The following P2RY10 variants were observed in gnomAD, a reference collection of about 807,000 sequenced individuals.
The protein encoded by P2RY10 is P2Y receptor family member 10.
A neutral mutation model predicts 12.1 loss-of-function variants in P2RY10; 4 were observed. The observed-to-expected ratio is 0.33, with a 90% CI of 0.16 to 0.76. The LOEUF (loss-of-function observed/expected upper bound fraction) is 0.76, where lower values mean the gene tolerates loss of function less well. Among genes scored for constraint, P2RY10 ranks in the 30% least tolerant of loss-of-function variants. The pLI is 0.61. For synonymous variants in P2RY10, 112 were observed against 94.1 expected (o/e 1.19, Z -1.10); for missense variants, 233 against 264.6 (o/e 0.88, Z 0.83).
At position 78,947,883 on chromosome X, in the gene P2RY10, TA is replaced by T; in HGVS notation, c.-157+25del. On this transcript the variant is annotated intron_variant, in intron 2 of 3. Transcript: ENST00000171757. ...TGCTTTGTAAGTAATTTCCCTTTTT[TA>T]AAAATGAGAAAATGCAAGACAAAAG... 1.6e-6 allele frequency: 1 copy of T among 636,651 alleles called. No homozygotes were observed. Among genetic ancestry groups the T allele is most frequent in the Non-Finnish European group, 1.9e-6 (1 of 531,531 alleles). The allele number at this position is 636,651 out of a possible 1,213,427, so 52.5% of individuals were successfully genotyped here. A position where few individuals can be genotyped will look rare whatever the true frequency, so the allele number is the denominator to read the frequency against.
Position 78,957,627 on chromosome X carries a change from A to T in P2RY10, c.-13-2881A>T, listed in dbSNP as rs769477602. Among the ~76,000 whole-genome samples the T allele has an allele frequency of 6.3e-5, 7 of 110,779 alleles. No individual in the cohort carries two copies. The South Asian group carries it at 2.7e-3, about 43-fold the overall frequency. On this transcript the variant is annotated intron_variant, in intron 3 of 3. Coordinates refer to ENST00000171757, the MANE Select transcript of P2RY10 (RefSeq NM_014499.4). The stretch of plus-strand genomic sequence containing the variant: ...CCTTCTGCCTCTCCTCATCACGGGG[A>T]TTTTACATCTAATGGTCACTAAGAA...
chrX:78,957,824 G>A lies in P2RY10; in HGVS notation c.-13-2684G>A, dbSNP rs1036139045. Among the ~76,000 whole-genome samples, 5 of 112,385 alleles carry A rather than the reference G, an allele frequency of 4.4e-5. No homozygotes were observed. In the East Asian group the frequency reaches 1.1e-3, roughly 25 times the overall value. ...GTGTAAACTTGACCTCTAGCTTGCT[G>A]TTCTGGCATAATTGGGCTCTGTTAT... On this transcript the variant is annotated intron_variant, in intron 3 of 3. Transcript: ENST00000171757.
chrX:78,952,818 C>T (rs751039643), intron 3 of P2RY10, among the ~76,000 whole-genome samples: 6 of 111,854 alleles, frequency 5.4e-5, no homozygotes, highest in Non-Finnish European at 1.1e-4. Context: ...AAGTTGATTT[C>T]TTCTCACCTA....
intron 2 of P2RY10, among the ~76,000 whole-genome samples, chrX:78,951,817 T>C (rs1174124036): frequency 4.5e-5 from 5 of 111,699 alleles, no homozygotes; most frequent in Non-Finnish European, 7.5e-5. Flanking sequence ...GGTTGTGACA[T>C]AGGTAAATGT....
In P2RY10 at chrX:78,952,149, G is replaced by T. The variant is rs138546929; in HGVS notation, c.-156-44G>T. ...GAGACACACTTTGTAAGTGAATCCTGTTATTTCAGAGATGGTGGCTGATTT... is the reference window on the plus strand; with the variant it reads ...GAGACACACTTTGTAAGTGAATCCTTTTATTTCAGAGATGGTGGCTGATTT... On this transcript the variant is annotated intron_variant, in intron 2 of 3. Transcript: ENST00000171757. 4.6e-3 allele frequency: 3,126 copies of T among 673,377 alleles called. 9 individuals carry two copies. The highest frequency in any genetic ancestry group is 5.3e-3 in the Non-Finnish European group (2,975 of 566,499). 55.5% of individuals were successfully genotyped at this position (673,377 alleles called of 1,213,427 possible). A position where few individuals can be genotyped will look rare whatever the true frequency, so the allele number is the denominator to read the frequency against.
At chrX:78,960,482 T>A (rs1487666947) in intron 3 of P2RY10, 26 bp from the exon 4 acceptor site, 1 of 1,143,141 alleles carries the variant, frequency 8.7e-7, no homozygotes, top group South Asian at 2.0e-5. Context: ...ACCATTTTAC[T>A]CTTTATTTTG....
Position 78,962,272 on chromosome X carries a change from A to G in P2RY10, c.*732A>G, listed in dbSNP as rs1922667942. 9.0e-6 allele frequency among the ~76,000 whole-genome samples: 1 copy of G among 110,988 alleles called. No homozygotes were observed. Among genetic ancestry groups the G allele is most frequent in the South Asian group, 3.8e-4 (1 of 2,635 alleles). ...CACTGCACCACATTTGTAGTCTTCT[A>G]TCCCTCGCCCCCTTCCCACTCTTCC... On this transcript the variant is annotated 3_prime_UTR_variant, in exon 4 of 4. Transcript: ENST00000171757.
In P2RY10 at chrX:78,947,179, C is replaced by T. The variant is rs1921879902; in HGVS notation, c.-205-636C>T. 2.8e-5 allele frequency among the ~76,000 whole-genome samples: 3 copies of T among 108,977 alleles called. No individual in the cohort carries two copies. In the South Asian group the frequency reaches 1.3e-3, roughly 46 times the overall value. 94.6% of individuals were successfully genotyped at this position (108,977 alleles called of 115,157 possible). A position where few individuals can be genotyped will look rare whatever the true frequency, so the allele number is the denominator to read the frequency against. On this transcript the variant is annotated intron_variant, in intron 1 of 3. Coordinates refer to ENST00000171757, the MANE Select transcript of P2RY10 (RefSeq NM_014499.4). ...GCAGTGAGCTGAGACTGTGCCATTG[C>T]ACTCCAGCCTGGGAGACAGACCAAG... is the stretch of plus-strand genomic sequence containing the variant.
chrX:78,947,151 G>A (rs998615194), intron 1 of P2RY10, among the ~76,000 whole-genome samples: 6 of 110,229 alleles, frequency 5.4e-5, no homozygotes, highest in Non-Finnish European at 1.1e-4. Flanking sequence ...AGAGATGGAG[G>A]TTGCAGTGAG....
rs140409226 is a variant in P2RY10, at chrX:78,951,006, C to T, written c.-156-1187C>T. ...GTTACTGACAGGATGTGGAAATTTC[C>T]TCACTGGGACTTAGGAAACTAATAT... is the stretch of plus-strand genomic sequence containing the variant. On this transcript the variant is annotated intron_variant, in intron 2 of 3. Coordinates refer to ENST00000171757, the MANE Select transcript of P2RY10 (RefSeq NM_014499.4). Among the ~76,000 whole-genome samples, 39 of 111,769 alleles carry T rather than the reference C, an allele frequency of 3.5e-4. No individual in the cohort carries two copies. The East Asian group carries it at 0.011, about 31-fold the overall frequency.
At position 78,962,307 on chromosome X, in the gene P2RY10, A is replaced by G. The variant is rs763748556; in HGVS notation, c.*767A>G. ...CCCTTCCCACTCTTCCACACATAAC[A>G]TCTCATCTTGCCCTCCTAATAAACC... On this transcript the variant is annotated 3_prime_UTR_variant, in exon 4 of 4. Transcript: ENST00000171757. Among the ~76,000 whole-genome samples, 25 of 111,311 alleles carry G rather than the reference A, an allele frequency of 2.2e-4. No homozygotes were observed. The highest frequency in any genetic ancestry group is 7.8e-4 in the African/African-American group (24 of 30,600).
chrX:78,957,059 T>G (rs765701135), intron 3 of P2RY10, among the ~76,000 whole-genome samples: 1 of 110,193 alleles, frequency 9.1e-6, no homozygotes, highest in East Asian at 2.8e-4. Flanking sequence ...GAGAGGATTT[T>G]ACATGGAAGG....
chrX:78,950,562 A>G (rs73499890), intron 2 of P2RY10, among the ~76,000 whole-genome samples: 111 of 111,588 alleles, frequency 9.9e-4, no homozygotes, highest in African/African-American at 3.3e-3. Context: ...CATTACTTCT[A>G]TCTACAGATT....
intron 3 of P2RY10, among the ~76,000 whole-genome samples, chrX:78,959,358 G>A (rs1922496463): frequency 9.0e-6 from 1 of 110,893 alleles, no homozygotes; most frequent in East Asian, 2.8e-4. Flanking sequence ...GATTTCCAAA[G>A]GTCCTTCCCA....
chrX:78,950,955 G>GA (rs1267796202), intron 2 of P2RY10, among the ~76,000 whole-genome samples: 4 of 111,920 alleles, frequency 3.6e-5, no homozygotes, highest in African/African-American at 9.7e-5. Context: ...ACAAAGATTA[G>GA]AGGTAACGTG....
At chrX:78,953,538 C>T (rs867669894) in intron 3 of P2RY10, among the ~76,000 whole-genome samples, 55 of 112,160 alleles carry the variant, frequency 4.9e-4, no homozygotes, top group Middle Eastern at 4.6e-3. Context: ...TGCAAAACTG[C>T]GATACCTTTT....
intron 3 of P2RY10, among the ~76,000 whole-genome samples, chrX:78,954,389 G>T (rs1922241785): frequency 1.8e-5 from 2 of 110,816 alleles, no homozygotes; most frequent in African/African-American, 6.6e-5. Context: ...TCACCAGGTG[G>T]GATAGAATTA....
At position 78,962,180 on chromosome X, in the gene P2RY10, G is replaced by A. The variant is rs997995071; in HGVS notation, c.*640G>A. Among the ~76,000 whole-genome samples the A allele has an allele frequency of 6.3e-4, 70 of 110,708 alleles. 1 individual carries two copies. The highest frequency in any genetic ancestry group is 1.3e-4 in the Non-Finnish European group (7 of 52,906). The stretch of plus-strand genomic sequence containing the variant: ...GTTATTGGGGTACAGGTGGTATTTG[G>A]TTACATGAGTAAGTTCTTTAGTGGT... On this transcript the variant is annotated 3_prime_UTR_variant, in exon 4 of 4. Coordinates refer to ENST00000171757, the MANE Select transcript of P2RY10 (RefSeq NM_014499.4).
intron 3 of P2RY10, among the ~76,000 whole-genome samples, chrX:78,954,095 A>T (rs1188872412): frequency 9.1e-6 from 1 of 109,863 alleles, no homozygotes; most frequent in Admixed American, 9.7e-5. Flanking sequence ...CTGGTCTTAA[A>T]CTCTTGAGCT....
Sources: gnomAD v4.1 joint callset for allele counts (sites outside exome capture counted in the v4.1 genomes callset) on GRCh38, gnomAD v4.1.1 for gene constraint, MANE v1.5 for transcripts, NCBI Gene and HGNC (gene_info 2026-07-23, HGNC 2026-07-21) for gene names.